EFCAB7: variants seen among roughly 807,000 people sequenced by gnomAD.
EFCAB7 encodes the protein EF-hand calcium-binding domain-containing protein 7.
A neutral mutation model predicts 77.1 loss-of-function variants in EFCAB7; 66 were observed. The ratio of observed to expected loss-of-function variants is 0.86; its 90% CI spans 0.70 to 1.05. The LOEUF is 1.05. Ranked by LOEUF, EFCAB7 falls within the 50% of genes least tolerant of loss-of-function variation. EFCAB7 has a pLI of 0.00. For missense variants in EFCAB7, 638 were observed against 730.5 expected, an observed-to-expected ratio of 0.87 and a Z score of 1.46; for synonymous variants, 225 against 243.3, an observed-to-expected ratio of 0.92 and a Z score of 0.70.
intron 9 of EFCAB7, 145 bp from the exon 10 acceptor site, chr1:63,556,969 C>T (rs568051620): frequency 1.1e-5 from 5 of 465,878 alleles, no homozygotes; most frequent in East Asian, 6.1e-5. Context: ...ACCCAGGAGG[C>T]GGTGCTTGCA....
At chr1:63,583,060 T>C in the EFCAB7 span, among the ~76,000 whole-genome samples, 1 of 152,146 alleles carries the variant, frequency 6.6e-6, no homozygotes, top group Admixed American at 6.5e-5. Context: ...TCTCAGATAC[T>C]ATTAAGAAAA....
At chr1:63,532,868 GAT>G in intron 4 of EFCAB7, 112 bp downstream of exon 4, 1 of 777,470 alleles carries the variant, frequency 1.3e-6, no homozygotes, top group South Asian at 1.8e-5. Flanking sequence ...GCAATGTTTT[GAT>G]ATATGTATAC....
At chr1:63,549,044 A>G (rs1009043637) in intron 7 of EFCAB7, 2 of 245,448 alleles carry the variant, frequency 8.1e-6, no homozygotes, top group Admixed American at 1.1e-4. Context: ...CGCCACTATG[A>G]CTCCGCCGGA....
At chr1:63,571,242 A>T (rs1647249274) in intron 13 of EFCAB7, 114 bp downstream of exon 13, 2 of 680,088 alleles carry the variant, frequency 2.9e-6, no homozygotes, top group Admixed American at 2.9e-5. Context: ...TATTTTAAGT[A>T]TGATATTTGT....
At chr1:63,553,123 A>C (rs2100906940) in intron 8 of EFCAB7, among the ~76,000 whole-genome samples, 1 of 152,230 alleles carries the variant, frequency 6.6e-6, no homozygotes, top group African/African-American at 2.4e-5. Flanking sequence ...ATACTTTCAC[A>C]ATTATTTTCT....
At chr1:63,549,663 C>G in intron 7 of EFCAB7, 1 of 319,204 alleles carries the variant, frequency 3.1e-6, no homozygotes, top group South Asian at 3.1e-5. Flanking sequence ...AGACTATCAT[C>G]AATACATTCC....
intron 11 of EFCAB7, among the ~76,000 whole-genome samples, chr1:63,564,031 GA>G (rs1328507110): frequency 1.3e-5 from 2 of 151,930 alleles, no homozygotes; most frequent in Non-Finnish European, 2.9e-5. Context: ...TCAGAACTGG[GA>G]AAATTTACTT....
At chr1:63,528,963 C>CAA (rs144879638) in intron 2 of EFCAB7, among the ~76,000 whole-genome samples, 9 of 148,896 alleles carry the variant, frequency 6.0e-5, no homozygotes, top group Non-Finnish European at 8.9e-5. Context: ...ATTTTAGAGG[C>CAA]AAAAAAAAAA....
the EFCAB7 span, among the ~76,000 whole-genome samples, chr1:63,584,062 G>A: frequency 6.6e-6 from 1 of 152,104 alleles, no homozygotes; most frequent in Admixed American, 6.5e-5. Flanking sequence ...CTGAACCAGT[G>A]CCAAATGATG....
chr1:63,575,034 T>G (rs1361039497), downstream of EFCAB7, among the ~76,000 whole-genome samples: 1 of 152,200 alleles, frequency 6.6e-6, no homozygotes, highest in Non-Finnish European at 1.5e-5. Flanking sequence ...ATATAAAAAT[T>G]AAGTCTCATT....
intron 8 of EFCAB7, among the ~76,000 whole-genome samples, chr1:63,553,223 T>G (rs1353293969): frequency 2.0e-5 from 3 of 152,210 alleles, no homozygotes; most frequent in Non-Finnish European, 4.4e-5. Context: ...GGAAGGATCA[T>G]GGGATAATAT....
At chr1:63,566,511 GAAAA>G (rs1281335659) in intron 11 of EFCAB7, among the ~76,000 whole-genome samples, 5 of 151,686 alleles carry the variant, frequency 3.3e-5, no homozygotes, top group African/African-American at 1.2e-4. Flanking sequence ...TAAAAAAAAA[GAAAA>G]AAAATTAGAG....
At chr1:63,544,222 G>A (rs1646867158) in intron 6 of EFCAB7, among the ~76,000 whole-genome samples, 1 of 151,936 alleles carries the variant, frequency 6.6e-6, no homozygotes, top group Admixed American at 6.6e-5. Context: ...CACCCGCCTT[G>A]GCCTCCCAAA....
intron 2 of EFCAB7, among the ~76,000 whole-genome samples, chr1:63,531,295 G>A (rs745658023): frequency 3.3e-5 from 5 of 150,366 alleles, no homozygotes; most frequent in South Asian, 2.1e-4. Context: ...TGTCTTCAGC[G>A]TCTAGCTTAT....
In EFCAB7 at chr1:63,525,763, A is replaced by C; in HGVS notation, c.187+4A>C. The C allele has an allele frequency of 6.6e-7, 1 of 1,515,560 alleles. No individual in the cohort carries two copies. The allele number at this position is 1,515,560 out of a possible 1,614,324, so 93.9% of individuals were successfully genotyped here. ...TCTAAAGATCAACTTTACTTAGGTAAATTTTTAAAATTTTTAAATCTTTCA... is the reference window on the plus strand; with the variant it reads ...TCTAAAGATCAACTTTACTTAGGTACATTTTTAAAATTTTTAAATCTTTCA... On this transcript the variant is annotated splice_donor_region_variant and intron_variant, in intron 2 of 13. Coordinates refer to ENST00000371088, the MANE Select transcript of EFCAB7 (RefSeq NM_032437.4).
chr1:63,533,709 A>G (rs1646729268), intron 5 of EFCAB7, 60 bp downstream of exon 5: 2 of 1,311,504 alleles, frequency 1.5e-6, no homozygotes, highest in Admixed American at 5.1e-5. Flanking sequence ...ATTCAGATAA[A>G]TTTTTCCTTC....
At chr1:63,561,469 CTT>C (rs1364066211) in intron 10 of EFCAB7, among the ~76,000 whole-genome samples, 2 of 152,112 alleles carry the variant, frequency 1.3e-5, no homozygotes, top group Non-Finnish European at 2.9e-5. Flanking sequence ...CTATTTATAA[CTT>C]TAGGATTTTT....
rs937645231 is a variant in EFCAB7 at position 63,524,535 on chromosome 1, G to A, written c.-2+901G>A. ...GGCCTCCTGAGTAGGAATGCAATGA[G>A]TCCTGAAGGGGACCCTACCTGTGTT... is the stretch of plus-strand genomic sequence containing the variant. On this transcript the variant is annotated intron_variant, in intron 1 of 13. Coordinates refer to ENST00000371088, the MANE Select transcript of EFCAB7 (RefSeq NM_032437.4). Among the ~76,000 whole-genome samples the A allele has an allele frequency of 3.3e-4, 50 of 152,200 alleles. 1 individual carries two copies. Among genetic ancestry groups the A allele is most frequent in the Non-Finnish European group, 2.6e-4 (18 of 68,038 alleles).
At chr1:63,564,771 A>T (rs552409020) in intron 11 of EFCAB7, among the ~76,000 whole-genome samples, 1 of 152,302 alleles carries the variant, frequency 6.6e-6, no homozygotes, top group South Asian at 2.1e-4. Flanking sequence ...CTACGCAAAA[A>T]GAACAAAGCT....
Sources: allele counts gnomAD v4.1 joint callset (sites outside exome capture counted in the v4.1 genomes callset), GRCh38; gene constraint gnomAD v4.1.1; transcripts MANE v1.5; gene names NCBI Gene and HGNC (gene_info 2026-07-23, HGNC 2026-07-21).